The following SPATA1 variants were observed in gnomAD, a reference collection of about 807,000 sequenced individuals.
The protein encoded by SPATA1 is spermatogenesis-associated protein 1.
Under a neutral mutation model 59.6 loss-of-function variants are expected in SPATA1, and 57 were observed. That is an observed-to-expected ratio of 0.96 (90% CI 0.77 to 1.19). SPATA1 has a LOEUF of 1.19. Among genes scored for constraint, SPATA1 ranks in the 50% most tolerant of loss-of-function variants. The probability of loss-of-function intolerance (pLI) is 0.00; values close to 1 mark genes in which losing one functional copy is unlikely to be tolerated. For synonymous variants in SPATA1, 147 were observed against 163.9 expected, an observed-to-expected ratio of 0.90 and a Z score of 0.79; for missense variants, 448 against 480.7, an observed-to-expected ratio of 0.93 and a Z score of 0.64.
chr1:84,532,423 G>A (rs2101970594), intron 6 of SPATA1, among the ~76,000 whole-genome samples: 1 of 152,258 alleles, frequency 6.6e-6, no homozygotes, highest in African/African-American at 2.4e-5. Context: ...TTGAACCTGG[G>A]AGGCAGAGGC....
downstream of SPATA1, chr1:84,554,985 T>G: frequency 6.2e-7 from 1 of 1,607,720 alleles, no homozygotes; most frequent in Non-Finnish European, 8.5e-7. Context: ...TCTTAATGGT[T>G]TGACAAAAGA....
intron 9 of SPATA1, 72 bp from the exon 10 acceptor site, chr1:84,545,562 A>C (rs1684059531): frequency 1.2e-5 from 17 of 1,430,812 alleles, no homozygotes; most frequent in Non-Finnish European, 1.6e-5. Flanking sequence ...TAAGTTTTAC[A>C]CTCCATATTT....
At chr1:84,555,240 T>G (rs745831379), downstream of SPATA1, 3 of 1,481,596 alleles carry the variant, frequency 2.0e-6, no homozygotes, top group Admixed American at 5.4e-5. Context: ...AAGTATTTAG[T>G]ACAATTCAGC....
chr1:84,527,955 T>C (rs1280835043), intron 6 of SPATA1, among the ~76,000 whole-genome samples: 4 of 152,198 alleles, frequency 2.6e-5, no homozygotes, highest in Non-Finnish European at 5.9e-5. Flanking sequence ...GGTCTCGAAC[T>C]CCTGACCTCA....
exon 5 of SPATA1, chr1:84,565,883 A>C: frequency 1.3e-6 from 2 of 1,586,446 alleles, no homozygotes; most frequent in Non-Finnish European, 1.7e-6. Context: ...GCTGCAATAC[A>C]TTCTGACCAG....
At chr1:84,535,365 T>G (rs895383709) in intron 8 of SPATA1, among the ~76,000 whole-genome samples, 1 of 152,186 alleles carries the variant, frequency 6.6e-6, no homozygotes, top group East Asian at 1.9e-4. Flanking sequence ...GCTTGTCAAT[T>G]TCTTACCAAA....
At chr1:84,533,071 GAT>G in intron 7 of SPATA1, 97 bp downstream of exon 7, 3 of 748,086 alleles carry the variant, frequency 4.0e-6, no homozygotes, top group Non-Finnish European at 6.2e-6. Context: ...TCTACTTAAA[GAT>G]ATGAGTGAAA....
At chr1:84,514,293 C>T (rs1048928443) in intron 1 of SPATA1, among the ~76,000 whole-genome samples, 1 of 152,160 alleles carries the variant, frequency 6.6e-6, no homozygotes, top group Non-Finnish European at 1.5e-5. Context: ...GCATTGGTCT[C>T]ATCAGAAATG....
intron 8 of SPATA1, among the ~76,000 whole-genome samples, chr1:84,539,797 TTCCACATTC>T (rs1016684873): frequency 3.0e-4 from 45 of 152,348 alleles, no homozygotes; most frequent in African/African-American, 1.0e-3. Flanking sequence ...TCTTAATTTT[TTCCACATTC>T]TCTATGTCTC....
At chr1:84,522,944 T>C (rs1683086522) in intron 4 of SPATA1, among the ~76,000 whole-genome samples, 1 of 151,420 alleles carries the variant, frequency 6.6e-6, no homozygotes, top group Non-Finnish European at 1.5e-5. Context: ...GGAGTCTTGC[T>C]CTGTCACCCT....
At chr1:84,562,465 A>G (rs1374959423) in intron 4 of SPATA1, among the ~76,000 whole-genome samples, 1 of 152,212 alleles carries the variant, frequency 6.6e-6, no homozygotes, top group African/African-American at 2.4e-5. Context: ...TCATTTTTTT[A>G]TAAATGGGTA....
chr1:84,515,217 A>T (rs1023711171), intron 1 of SPATA1, among the ~76,000 whole-genome samples: 1 of 152,160 alleles, frequency 6.6e-6, no homozygotes, highest in Non-Finnish European at 1.5e-5. Context: ...TTTTGGATAG[A>T]TATATAAATA....
intron 6 of SPATA1, among the ~76,000 whole-genome samples, chr1:84,529,482 AATG>A (rs1383285091): frequency 6.6e-6 from 1 of 152,046 alleles, no homozygotes; most frequent in African/African-American, 2.4e-5. Flanking sequence ...ATGGTACAAA[AATG>A]ATAACAGATG....
chr1:84,542,605 T>C (rs1642827618), intron 8 of SPATA1, among the ~76,000 whole-genome samples: 1 of 152,174 alleles, frequency 6.6e-6, no homozygotes, highest in Non-Finnish European at 1.5e-5. Flanking sequence ...TGACACATAG[T>C]CCATATCTGA....
chr1:84,517,848 C>T (rs1291288800), intron 2 of SPATA1, among the ~76,000 whole-genome samples: 1 of 152,070 alleles, frequency 6.6e-6, no homozygotes, highest in Non-Finnish European at 1.5e-5. Context: ...ATTCCAGTAG[C>T]TTCATAACAA....
intron 1 of SPATA1, chr1:84,506,865 G>C (rs1682278938): frequency 6.6e-6 from 1 of 152,242 alleles, no homozygotes; most frequent in African/African-American, 2.4e-5. Flanking sequence ...TCTTGAATCG[G>C]TTTTTCTGAA....
intron 10 of SPATA1, among the ~76,000 whole-genome samples, chr1:84,547,786 G>C (rs759816898): frequency 3.3e-5 from 5 of 152,114 alleles, no homozygotes; most frequent in Admixed American, 6.5e-5. Flanking sequence ...AGGTCAGCAA[G>C]GAATAAATGG....
downstream of SPATA1, among the ~76,000 whole-genome samples, chr1:84,556,996 C>G (rs1046941134): frequency 2.6e-5 from 4 of 152,128 alleles, no homozygotes; most frequent in Admixed American, 2.0e-4. Context: ...ATTTTGCCAT[C>G]ATTCTAGCTA....
chr1:84,511,003 G>T (rs1682514637), intron 1 of SPATA1, among the ~76,000 whole-genome samples: 1 of 152,144 alleles, frequency 6.6e-6, no homozygotes, highest in Non-Finnish European at 1.5e-5. Flanking sequence ...GTTACCAGAG[G>T]CTGGGAAGGG....
Sources: gnomAD v4.1 joint callset for allele counts (sites outside exome capture counted in the v4.1 genomes callset) on GRCh38, gnomAD v4.1.1 for gene constraint, MANE v1.5 for transcripts, NCBI Gene and HGNC (gene_info 2026-07-23, HGNC 2026-07-21) for gene names.